The following PCDH10 variants were observed in gnomAD, a reference collection of about 807,000 sequenced individuals.
The protein encoded by PCDH10 is protocadherin 10.
PCDH10 carries 15 observed loss-of-function variants against 74.4 expected under a neutral mutation model. The ratio of observed to expected loss-of-function variants is 0.20; its 90% CI spans 0.13 to 0.31. PCDH10 has a LOEUF of 0.31. Ranked by LOEUF, PCDH10 falls within the 10% of genes least tolerant of loss-of-function variation. PCDH10 has a pLI of 1.00. For missense variants in PCDH10, 1,260 were observed against 1,390.2 expected, an observed-to-expected ratio of 0.91 and a Z score of 1.49; for synonymous variants, 619 against 589.8, an observed-to-expected ratio of 1.05 and a Z score of -0.72.
downstream of PCDH10, among the ~76,000 whole-genome samples, chr4:133,195,732 A>C (rs1186767862): frequency 3.9e-5 from 6 of 152,116 alleles, no homozygotes; most frequent in Admixed American, 6.6e-5. Context: ...TTATAACATA[A>C]AAAATAAGTA....
rs563658156 is a variant in PCDH10, at chr4:133,201,336, GGA to G, written n.438-6739_438-6738del. Among the ~76,000 whole-genome samples, 283 of 152,212 alleles carry G rather than the reference GGA, an allele frequency of 1.9e-3. 1 individual carries two copies. Among genetic ancestry groups the G allele is most frequent in the African/African-American group, 6.6e-3 (272 of 41,512 alleles). ...AGGTATTCTCACCGTAGGATTATGG[GGA>G]TGGAGACACACACACCTAACAGTGT... On this transcript the variant is annotated intron_variant and non_coding_transcript_variant, in intron 2 of 2. Coordinates refer to the PCDH10 transcript ENST00000511112.
At chr4:133,185,081 A>G (rs916114886) in intron 4 of PCDH10, among the ~76,000 whole-genome samples, 63 of 148,514 alleles carry the variant, frequency 4.2e-4, no homozygotes, top group Admixed American at 9.5e-4. Flanking sequence ...GAATATTATT[A>G]TTTGAATTGA....
At chr4:133,178,916 G>A (rs950285158) in intron 4 of PCDH10, among the ~76,000 whole-genome samples, 73 of 152,134 alleles carry the variant, frequency 4.8e-4, no homozygotes, top group African/African-American at 1.7e-3. Context: ...ATGGAAAAAA[G>A]TTCCTGTACT....
intron 4 of PCDH10, among the ~76,000 whole-genome samples, chr4:133,167,391 G>A (rs1172371412): frequency 1.3e-5 from 2 of 151,454 alleles, no homozygotes; most frequent in Admixed American, 6.6e-5. Flanking sequence ...AGCGTACATA[G>A]AATTCAAAAT....
At chr4:133,159,941 GGTAATTAAA>G (rs762692402) in intron 3 of PCDH10, among the ~76,000 whole-genome samples, 7 of 151,634 alleles carry the variant, frequency 4.6e-5, no homozygotes, top group Non-Finnish European at 7.4e-5. Context: ...CTGCTTACTT[GGTAATTAAA>G]GTGCTATATT....
Position 133,163,115 on chromosome 4 carries a change from A to T in PCDH10, c.2936A>T (p.Asp979Val). Reference protein sequence around the residue: ...YRSNLHVPGMDSVPDTEVFET... With the variant: ...YRSNLHVPGMVSVPDTEVFET... ...AGCAATCTGCATGTTCCTGGCATGGACTCTGTTCCAGACACTGAGGTGTTT... is the reference window on the plus strand; with the variant it reads ...AGCAATCTGCATGTTCCTGGCATGGTCTCTGTTCCAGACACTGAGGTGTTT... The change falls in exon 4 of 5, where the codon GAC becomes GTC. Residue 979 changes from aspartate to valine, a missense_variant. This residue lies in a region of PCDH10 where 136 missense variants were observed against 149.3 expected (regional missense o/e 0.91). Transcript: ENST00000264360. 2 of 1,614,054 alleles carry T rather than the reference A, an allele frequency of 1.2e-6. No individual in the cohort carries two copies. The highest frequency in any genetic ancestry group is 1.7e-6 in the Non-Finnish European group (2 of 1,180,016).
chr4:133,151,790 C>T lies in PCDH10; in HGVS notation c.1650C>T (p.Ser550=). 1.2e-6 allele frequency: 2 copies of T among 1,613,072 alleles called. No individual in the cohort carries two copies. The highest frequency in any genetic ancestry group is 1.7e-6 in the Non-Finnish European group (2 of 1,180,032). The change falls in exon 1 of 5, where the codon AGC becomes AGT. Residue 550 remains serine (S), a synonymous_variant. Coordinates refer to ENST00000264360, the MANE Select transcript of PCDH10 (RefSeq NM_032961.3). ...AGGTGGAAGCCCGGGACGCTGGCAG[C>T]CCCCAGGCGCTGGCTGGTAACGCCA... ...SFQVEARDAG[S]PQALAGNATV...
In PCDH10 at chr4:133,190,171, A is replaced by G; in HGVS notation, c.*11A>G. On this transcript the variant is annotated 3_prime_UTR_variant, in exon 5 of 5. Coordinates refer to ENST00000264360, the MANE Select transcript of PCDH10 (RefSeq NM_032961.3). ...AAAAGGATATGCTAGTCAATTCTAC[A>G]GGACTTACCTGAAGCAGCATGATTT... 2 of 1,610,292 alleles carry G rather than the reference A, an allele frequency of 1.2e-6. No individual in the cohort carries two copies. The highest frequency in any genetic ancestry group is 1.1e-5 in the South Asian group (1 of 91,016).
At chr4:133,190,086 TA>T in intron 4 of PCDH10, 54 bp from the exon 5 acceptor site, 1 of 1,445,756 alleles carries the variant, frequency 6.9e-7, no homozygotes, top group Non-Finnish European at 9.7e-7. Flanking sequence ...TGTGTAATTC[TA>T]AACTCCAAAA....
intron 2 of PCDH10, among the ~76,000 whole-genome samples, chr4:133,202,729 C>T (rs1338840685): frequency 1.3e-5 from 2 of 152,068 alleles, no homozygotes; most frequent in African/African-American, 4.8e-5. Context: ...TTATGCTGAC[C>T]TTTTTATCCT....
rs1195914944 is a variant in PCDH10, at chr4:133,152,051, G to T, written c.1911G>T (p.Glu637Asp). 15 of 1,609,728 alleles carry T rather than the reference G, an allele frequency of 9.3e-6. No individual in the cohort carries two copies. Among genetic ancestry groups the T allele is most frequent in the Non-Finnish European group, 1.2e-5 (14 of 1,178,274 alleles). Residue 637 changes from glutamate (E) to aspartate (D), a missense_variant, in exon 1 of 5, where the codon GAG becomes GAT. By Grantham distance (45) the Glu-to-Asp change is conservative. This residue lies in a region of PCDH10 where 587 missense variants were observed against 616.9 expected (regional missense o/e 0.95). Coordinates refer to ENST00000264360, the MANE Select transcript of PCDH10 (RefSeq NM_032961.3). ...NLFRMDWRTG[E>D]LRTARRVPAK... ...TTCGCATGGACTGGCGCACCGGGGA[G>T]CTGCGCACAGCACGCCGAGTCCCGG...
At chr4:133,170,255 A>G (rs1329525297) in intron 4 of PCDH10, among the ~76,000 whole-genome samples, 2 of 152,178 alleles carry the variant, frequency 1.3e-5, no homozygotes, top group African/African-American at 4.8e-5. Context: ...GTATGGTAAT[A>G]GCAAGGCACT....
chr4:133,175,126 A>G (rs1428252367), intron 4 of PCDH10, among the ~76,000 whole-genome samples: 1 of 152,050 alleles, frequency 6.6e-6, no homozygotes, highest in East Asian at 1.9e-4. Context: ...AAGTAGTTAC[A>G]AAGGCATATC....
At chr4:133,206,649 C>A (rs142479308) in intron 2 of PCDH10, among the ~76,000 whole-genome samples, 24 of 152,048 alleles carry the variant, frequency 1.6e-4, no homozygotes, top group Middle Eastern at 3.4e-3. Context: ...TAGTTATTTC[C>A]TCAATTGTTT....
chr4:133,172,881 C>A (rs1365153657), intron 4 of PCDH10, among the ~76,000 whole-genome samples: 1 of 151,920 alleles, frequency 6.6e-6, no homozygotes, highest in Non-Finnish European at 1.5e-5. Flanking sequence ...ATGCTTTCTT[C>A]ATCATTTTGG....
intron 4 of PCDH10, among the ~76,000 whole-genome samples, chr4:133,171,442 A>G (rs184108593): frequency 6.6e-6 from 1 of 152,314 alleles, no homozygotes; most frequent in East Asian, 1.9e-4. Context: ...TCTGGATTAA[A>G]TTCTGAATCA....
At chr4:133,207,416 C>A (rs1454217088) in intron 2 of PCDH10, among the ~76,000 whole-genome samples, 1 of 152,136 alleles carries the variant, frequency 6.6e-6, no homozygotes, top group Non-Finnish European at 1.5e-5. Flanking sequence ...CCTTTGCCAC[C>A]AGCAATTGAC....
At chr4:133,155,384 G>A (rs1726844603) in intron 3 of PCDH10, among the ~76,000 whole-genome samples, 1 of 152,146 alleles carries the variant, frequency 6.6e-6, no homozygotes, top group Non-Finnish European at 1.5e-5. Flanking sequence ...TTATGGATGA[G>A]ATAACTGAAG....
At chr4:133,200,410 A>G (rs2125877372) in intron 2 of PCDH10, among the ~76,000 whole-genome samples, 1 of 152,190 alleles carries the variant, frequency 6.6e-6, no homozygotes, top group Non-Finnish European at 1.5e-5. Flanking sequence ...ATAAGTAATA[A>G]AGATAAAGAA....
Sources: gnomAD v4.1 joint callset for allele counts (sites outside exome capture counted in the v4.1 genomes callset) on GRCh38, gnomAD v4.1.1 for gene constraint, gnomAD v4.1.1 regional missense constraint, MANE v1.5 for transcripts, NCBI Gene and HGNC (gene_info 2026-07-23, HGNC 2026-07-21) for gene names.